SLC24A4: variants seen among roughly 807,000 people sequenced by gnomAD.
SLC24A4 encodes sodium/potassium/calcium exchanger 4.
A neutral mutation model predicts 79.0 loss-of-function variants in SLC24A4; 53 were observed. The ratio of observed to expected loss-of-function variants is 0.67; its 90% CI spans 0.54 to 0.84. The LOEUF (loss-of-function observed/expected upper bound fraction) is 0.84, where lower values mean the gene tolerates loss of function less well. SLC24A4 is among the 40% of genes least tolerant of loss of function. The pLI is 0.00. For missense variants in SLC24A4, 731 were observed against 822.0 expected (o/e 0.89, Z 1.35); for synonymous variants, 323 against 323.8 (o/e 1.00, Z 0.03).
In SLC24A4 at chr14:92,323,324, G is replaced by A. The variant is rs1232912891; in HGVS notation, c.-507G>A. 3 of 151,672 alleles carry A rather than the reference G, an allele frequency of 2.0e-5. No individual in the cohort carries two copies. Among genetic ancestry groups the A allele is most frequent in the Non-Finnish European group, 2.9e-5 (2 of 67,880 alleles). 9.4% of individuals were successfully genotyped at this position (151,672 alleles called of 1,614,324 possible). A position where few individuals can be genotyped will look rare whatever the true frequency, so the allele number is the denominator to read the frequency against. The stretch of plus-strand genomic sequence containing the variant: ...GCACTCGGCCGCCCGGGCTCGGCTC[G>A]TCGGGAAGCAGGGGAACATCGCCGG... On this transcript the variant is annotated 5_prime_UTR_variant, in exon 1 of 17. Transcript: ENST00000532405. This position sits in a 1 kb window ranked among gnomAD's most constrained non-coding sequence, Gnocchi z 4.9.
At position 92,325,994 on chromosome 14, in the gene SLC24A4, T is replaced by G; in HGVS notation, c.241+16T>G. 6.4e-7 allele frequency: 1 copy of G among 1,552,220 alleles called. No individual in the cohort carries two copies. The highest frequency in any genetic ancestry group is 8.9e-7 in the Non-Finnish European group (1 of 1,126,604). On this transcript the variant is annotated intron_variant, in intron 2 of 16. Transcript: ENST00000532405. Reference sequence around the variant, plus strand: ...ACAGATCCTGGTAAGAAATCAATTCTTCTCCACTCAGTCTACTAAGATGTT... The same window carrying G: ...ACAGATCCTGGTAAGAAATCAATTCGTCTCCACTCAGTCTACTAAGATGTT...
chr14:92,469,826 A>G (rs1416177075), intron 12 of SLC24A4, among the ~76,000 whole-genome samples: 1 of 152,214 alleles, frequency 6.6e-6, no homozygotes, highest in African/African-American at 2.4e-5. Context: ...CCCCCATGTT[A>G]CAATTCCATT....
rs1489442560 is a variant in SLC24A4 at position 92,398,524 on chromosome 14, TTC to T, written c.242-35384_242-35383del. ...AACGTCTGATGTTATTGACATCTCC[TTC>T]TCTTTCCTGAAGTTTTCTGTGCCCT... On this transcript the variant is annotated intron_variant, in intron 2 of 16. Transcript: ENST00000532405. This position sits in a 1 kb window ranked among gnomAD's most constrained non-coding sequence, Gnocchi z 4.1. Among the ~76,000 whole-genome samples the T allele has an allele frequency of 1.3e-5, 2 of 152,130 alleles. No individual in the cohort carries two copies. Among genetic ancestry groups the T allele is most frequent in the Admixed American group, 6.5e-5 (1 of 15,282 alleles).
intron 2 of SLC24A4, among the ~76,000 whole-genome samples, chr14:92,424,019 A>G (rs4904909): frequency 0.41 from 62,757 of 151,904 alleles, 13,236 homozygotes; most frequent in Non-Finnish European, 0.44. Context: ...CCTGGCTGCC[A>G]GCACTCCTTG....
Position 92,344,416 on chromosome 14 carries a change from A to G in SLC24A4, c.241+18438A>G, listed in dbSNP as rs189789040. Among the ~76,000 whole-genome samples, 18 of 152,334 alleles carry G rather than the reference A, an allele frequency of 1.2e-4. No individual in the cohort carries two copies. The East Asian group carries it at 3.5e-3, about 29-fold the overall frequency. ...AACATAACCTAGTGAAAGCTGACTG[A>G]TACAGTTTCTCAGTAGTGGATTAAT... is the stretch of plus-strand genomic sequence containing the variant. On this transcript the variant is annotated intron_variant, in intron 2 of 16. Coordinates refer to ENST00000532405, the MANE Select transcript of SLC24A4 (RefSeq NM_153646.4).
At chr14:92,465,746 C>A (rs1222494668) in intron 12 of SLC24A4, among the ~76,000 whole-genome samples, 1 of 148,898 alleles carries the variant, frequency 6.7e-6, no homozygotes, top group Non-Finnish European at 1.5e-5. Flanking sequence ...GGAAGGCCCC[C>A]TCCCGACCCC....
intron 3 of SLC24A4, among the ~76,000 whole-genome samples, chr14:92,438,117 TCA>T (rs1314216844): frequency 1.3e-5 from 2 of 151,940 alleles, no homozygotes; most frequent in African/African-American, 2.4e-5. Context: ...CACCAAGGGC[TCA>T]GTCCCACAAG....
intron 7 of SLC24A4, 128 bp downstream of exon 7, chr14:92,443,602 A>G (rs1278296311): frequency 3.2e-6 from 3 of 945,608 alleles, no homozygotes; most frequent in Non-Finnish European, 4.9e-6. Flanking sequence ...GGGGTGTGCC[A>G]GCCACTCACT....
chr14:92,358,967 T>A (rs1001957299), intron 2 of SLC24A4, among the ~76,000 whole-genome samples: 2 of 152,074 alleles, frequency 1.3e-5, no homozygotes, highest in African/African-American at 4.8e-5. Flanking sequence ...ATTACAGGTG[T>A]GAGCCACCAC....
At chr14:92,453,504 G>T (rs933303779) in intron 10 of SLC24A4, 26 of 161,640 alleles carry the variant, frequency 1.6e-4, no homozygotes, top group Non-Finnish European at 3.2e-4. Flanking sequence ...GGGAAAGAAA[G>T]GTCCCCTCAT....
At position 92,340,764 on chromosome 14, in the gene SLC24A4, G is replaced by A. The variant is rs577725055; in HGVS notation, c.241+14786G>A. Among the ~76,000 whole-genome samples, 3 of 152,116 alleles carry A rather than the reference G, an allele frequency of 2.0e-5. No homozygotes were observed. The East Asian group carries it at 5.8e-4, about 29-fold the overall frequency. On this transcript the variant is annotated intron_variant, in intron 2 of 16. Transcript: ENST00000532405. ...AGGGGGCACGGATCCCCCTAATTCT[G>A]CGCTCCCTCCACACATGGCCTCACA...
intron 14 of SLC24A4, 83 bp from the exon 15 acceptor site, chr14:92,491,582 G>C: frequency 1.1e-6 from 1 of 930,706 alleles, no homozygotes; most frequent in Admixed American, 1.8e-5. Context: ...CCAAGGAATG[G>C]CACTGATAGA....
At chr14:92,436,067 T>G (rs1041171872) in intron 3 of SLC24A4, among the ~76,000 whole-genome samples, 10 of 152,216 alleles carry the variant, frequency 6.6e-5, no homozygotes, top group Non-Finnish European at 1.5e-4. Flanking sequence ...TTGTTTGTTT[T>G]TTTAAATAAA....
chr14:92,495,256 T>TTCGTG lies in SLC24A4; in HGVS notation c.*1629_*1633dup, dbSNP rs1210273764. On this transcript the variant is annotated 3_prime_UTR_variant, in exon 17 of 17. Coordinates refer to ENST00000532405, the MANE Select transcript of SLC24A4 (RefSeq NM_153646.4). ...TCCTGAGTTTCAAAAGGAGGAAGTG[T>TTCGTG]TCGTGCTTGTGTCCCTGAAGTTCCC... is the stretch of plus-strand genomic sequence containing the variant. 2 of 152,318 alleles carry TTCGTG rather than the reference T, an allele frequency of 1.3e-5. No homozygotes were observed. The highest frequency in any genetic ancestry group is 2.9e-5 in the Non-Finnish European group (2 of 68,050). The allele number at this position is 152,318 out of a possible 1,614,324, so 9.4% of individuals were successfully genotyped here.
At chr14:92,339,390 T>C (rs1885998440) in intron 2 of SLC24A4, among the ~76,000 whole-genome samples, 1 of 152,236 alleles carries the variant, frequency 6.6e-6, no homozygotes, top group South Asian at 2.1e-4. Flanking sequence ...TGGGTAGCAG[T>C]GTCCTAAGTG....
At chr14:92,466,742 G>A (rs1352009324) in intron 12 of SLC24A4, among the ~76,000 whole-genome samples, 1 of 152,080 alleles carries the variant, frequency 6.6e-6, no homozygotes, top group East Asian at 1.9e-4. Flanking sequence ...ACTTCCATGG[G>A]CCCTGAAATA....
chr14:92,329,277 G>A (rs144577909), intron 2 of SLC24A4, among the ~76,000 whole-genome samples: 8 of 152,304 alleles, frequency 5.3e-5, no homozygotes, highest in Admixed American at 2.0e-4. Flanking sequence ...AAGAACCTCC[G>A]GTGTGTGTCT....
At chr14:92,359,315 C>A (rs1351554976) in intron 2 of SLC24A4, among the ~76,000 whole-genome samples, 3 of 144,156 alleles carry the variant, frequency 2.1e-5, no homozygotes, top group African/African-American at 8.5e-5. Context: ...GTGGCTCACG[C>A]CTATAATCCC....
At chr14:92,463,844 T>G (rs1268818460) in intron 12 of SLC24A4, among the ~76,000 whole-genome samples, 1 of 152,116 alleles carries the variant, frequency 6.6e-6, no homozygotes, top group Non-Finnish European at 1.5e-5. Context: ...CTAACCGACT[T>G]CTTATGTCTT....
Sources: gnomAD v4.1 joint callset for allele counts (sites outside exome capture counted in the v4.1 genomes callset) on GRCh38, gnomAD v4.1.1 for gene constraint, Gnocchi (gnomAD v3.1) non-coding constraint, MANE v1.5 for transcripts, NCBI Gene and HGNC (gene_info 2026-07-23, HGNC 2026-07-21) for gene names.